Variants in VGLL2 observed in about 807,000 individuals in gnomAD.
VGLL2 encodes transcription cofactor vestigial-like protein 2.
In VGLL2, 18 loss-of-function variants were observed where a neutral mutation model predicts 27.0. The observed-to-expected ratio is 0.67, with a 90% CI of 0.46 to 0.99. VGLL2 has a LOEUF of 0.99. Ranked by LOEUF, VGLL2 falls within the 50% of genes least tolerant of loss-of-function variation. VGLL2 has a pLI of 0.00. For synonymous variants in VGLL2, 220 were observed against 201.1 expected, an observed-to-expected ratio of 1.09 and a Z score of -0.80; for missense variants, 491 against 452.3, an observed-to-expected ratio of 1.09 and a Z score of -0.78.
Position 117,266,585 on chromosome 6 carries a change from A to T in VGLL2, c.81+741A>T, listed in dbSNP as rs1322552072. 2.6e-5 allele frequency among the ~76,000 whole-genome samples: 4 copies of T among 152,158 alleles called. 1 individual carries two copies. The Middle Eastern group carries it at 9.5e-3, about 361-fold the overall frequency. ...TCAACCCGGGTTCTGCAAACTCTTC[A>T]AGTTCCATTTAATTCTGCCAGTTTC... On this transcript the variant is annotated intron_variant, in intron 1 of 3. Transcript: ENST00000326274.
rs149786271 is a variant in VGLL2 at position 117,268,250 on chromosome 6, C to T, written c.150C>T (p.Ser50=). The change falls in exon 2 of 4, where the codon AGC becomes AGT. Residue 50 remains serine, a synonymous_variant. Coordinates refer to ENST00000326274, the MANE Select transcript of VGLL2 (RefSeq NM_182645.3). ...ATGCCAGCCCCAGCAGCAGTGGCAG[C>T]GGCAGCTCCTCATTTTCCAGCCAAA... ...ECNASPSSSG[S]GSSSFSSQTP... The T allele has an allele frequency of 7.6e-5, 122 of 1,613,934 alleles. No individual in the cohort carries two copies. The African/African-American group carries it at 1.3e-3, about 17-fold the overall frequency.
rs1773163458 is a variant in VGLL2 at position 117,270,537 on chromosome 6, C to CTTG, written c.392-5_392-4insTGT. ...CCTCCACTCCGCCTCCCCGGCCGGC[C>CTTG]TACAGACTGCTCCTTCCCGATGAGC... On this transcript the variant is annotated splice_polypyrimidine_tract_variant and splice_region_variant and intron_variant, in intron 2 of 3. Transcript: ENST00000326274. The CTTG allele has an allele frequency of 6.3e-7, 1 of 1,591,492 alleles. No individual in the cohort carries two copies. Among genetic ancestry groups the CTTG allele is most frequent in the East Asian group, 2.3e-5 (1 of 42,850 alleles).
Position 117,268,179 on chromosome 6 carries a change from C to G in VGLL2, c.82-3C>G, listed in dbSNP as rs1773107600. 5.6e-6 allele frequency: 9 copies of G among 1,612,838 alleles called. No individual in the cohort carries two copies. Among genetic ancestry groups the G allele is most frequent in the African/African-American group, 4.0e-5 (3 of 74,724 alleles). On this transcript the variant is annotated splice_polypyrimidine_tract_variant and splice_region_variant and intron_variant, in intron 1 of 3. Transcript: ENST00000326274. ...TATCTCTGTTCTTTCTCTCTCTGAA[C>G]AGAAACTAGCCTATTATTCCAAAAT...
intron 2 of VGLL2, among the ~76,000 whole-genome samples, chr6:117,270,094 C>A (rs997504091): frequency 2.0e-5 from 3 of 152,010 alleles, no homozygotes; most frequent in African/African-American, 7.3e-5. Context: ...AGGCGGCCGA[C>A]CAAGAGTGGG....
At chr6:117,272,360 A>G in intron 3 of VGLL2, 94 bp from the exon 4 acceptor site, 1 of 1,609,752 alleles carries the variant, frequency 6.2e-7, no homozygotes, top group South Asian at 1.1e-5. Flanking sequence ...TAGACCGCCC[A>G]CCTTCTTCCC....
chr6:117,272,852 TTAGG>T lies in VGLL2; in HGVS notation c.*362_*365del, dbSNP rs1773229994. Reference sequence around the variant, plus strand: ...TTTTATGCTGATGTGAATTATTTTGTTAGGTAGTGTGATTATAGCACTACTACTG... The same window carrying T: ...TTTTATGCTGATGTGAATTATTTTGTTAGTGTGATTATAGCACTACTACTG... On this transcript the variant is annotated 3_prime_UTR_variant, in exon 4 of 4. Coordinates refer to ENST00000326274, the MANE Select transcript of VGLL2 (RefSeq NM_182645.3). 2 of 327,254 alleles carry T rather than the reference TTAGG, an allele frequency of 6.1e-6. No homozygotes were observed. Among genetic ancestry groups the T allele is most frequent in the Non-Finnish European group, 1.1e-5 (2 of 176,848 alleles). 20.3% of individuals were successfully genotyped at this position (327,254 alleles called of 1,614,324 possible).
chr6:117,268,378 G>C lies in VGLL2; in HGVS notation c.278G>C (p.Gly93Ala), dbSNP rs1202262117. Residue 93 changes from glycine to alanine, a missense_variant, in exon 2 of 4, where the codon GGG becomes GCG. Transcript: ENST00000326274. ...SRCVLFTYFQ[G>A]DISSVVDEHF... ...TGCGTCCTCTTCACTTATTTCCAGGGGGACATCAGCTCCGTGGTGGATGAA... is the reference window on the plus strand; with the variant it reads ...TGCGTCCTCTTCACTTATTTCCAGGCGGACATCAGCTCCGTGGTGGATGAA... The C allele has an allele frequency of 6.2e-7, 1 of 1,613,922 alleles. No individual in the cohort carries two copies. The highest frequency in any genetic ancestry group is 1.3e-5 in the African/African-American group (1 of 74,844).
chr6:117,266,426 G>A (rs1379740985), intron 1 of VGLL2, among the ~76,000 whole-genome samples: 1 of 152,144 alleles, frequency 6.6e-6, no homozygotes, highest in Admixed American at 6.5e-5. Flanking sequence ...TTTCCTTTGC[G>A]AAGTTCTGGG....
At chr6:117,268,058 A>C in intron 1 of VGLL2, 124 bp from the exon 2 acceptor site, 2 of 1,029,172 alleles carry the variant, frequency 1.9e-6, no homozygotes, top group South Asian at 1.6e-5. Context: ...TAACAGCACA[A>C]GGCTTAAGCC....
rs1310661988 is a variant in VGLL2, at chr6:117,270,862, G to A, written c.711G>A (p.Pro237=). 6.4e-6 allele frequency: 9 copies of A among 1,401,306 alleles called. No individual in the cohort carries two copies. The East Asian group carries it at 1.3e-4, about 20-fold the overall frequency. The allele number at this position is 1,401,306 out of a possible 1,614,324, so 86.8% of individuals were successfully genotyped here. A position where few individuals can be genotyped will look rare whatever the true frequency, so the allele number is the denominator to read the frequency against. Residue 237 remains proline, a synonymous_variant, in exon 3 of 4, where the codon CCG becomes CCA. Coordinates refer to ENST00000326274, the MANE Select transcript of VGLL2 (RefSeq NM_182645.3). ...VHEVYAPHFD[P]RYGPLLMPAA... ...AAGTCTACGCGCCGCACTTCGACCC[G>A]CGCTATGGGCCGCTGCTGATGCCAG...
At chr6:117,269,208 T>A (rs146219965) in intron 2 of VGLL2, among the ~76,000 whole-genome samples, 149 of 152,336 alleles carry the variant, frequency 9.8e-4, no homozygotes, top group African/African-American at 3.4e-3. Flanking sequence ...ACTGCTTTTT[T>A]CTACCCTAGG....
chr6:117,269,780 A>T (rs796694703), intron 2 of VGLL2, among the ~76,000 whole-genome samples: 6 of 152,254 alleles, frequency 3.9e-5, no homozygotes, highest in East Asian at 1.9e-4. Context: ...TAGTAATAAT[A>T]ATTATTATTA....
intron 2 of VGLL2, among the ~76,000 whole-genome samples, chr6:117,269,546 A>G (rs1773138878): frequency 6.6e-6 from 1 of 152,204 alleles, no homozygotes; most frequent in African/African-American, 2.4e-5. Context: ...CTGCCTAAAT[A>G]TGTTTAACAG....
rs1554217539 is a variant in VGLL2, at chr6:117,271,327, A to AATAATAATAATAATG, written c.913+277_913+278insGATAATAATAATAAT. On this transcript the variant is annotated intron_variant, in intron 3 of 3. Transcript: ENST00000326274. ...TAATAATAATAATAATAATAATGAT[A>AATAATAATAATAATG]ATAATAATAATAATAATAATAAAAT... Among the ~76,000 whole-genome samples, 1,123 of 139,540 alleles carry AATAATAATAATAATG rather than the reference A, an allele frequency of 8.0e-3. 13 individuals are homozygous for AATAATAATAATAATG. Among genetic ancestry groups the AATAATAATAATAATG allele is most frequent in the African/African-American group, 0.029 (1,073 of 36,422 alleles). The allele number at this position is 139,540 out of a possible 152,430, so 91.5% of individuals were successfully genotyped here. A position where few individuals can be genotyped will look rare whatever the true frequency, so the allele number is the denominator to read the frequency against.
Position 117,270,924 on chromosome 6 carries a change from C to A in VGLL2, c.773C>A (p.Pro258Gln), listed in dbSNP as rs1429443641. Residue 258 changes from proline to glutamine, a missense_variant, in exon 3 of 4, where the codon CCG (proline) becomes CAG (glutamine). Transcript: ENST00000326274. ...CGCCCGGCCCGCCTCGCAACCGCCC[C>A]GGCGCCCGCGCCCGGCAGTCCTCCC... ...SGRPARLATA[P>Q]APAPGSPPCE... 2.4e-6 allele frequency: 3 copies of A among 1,243,494 alleles called. No individual in the cohort carries two copies. In the African/African-American group the frequency reaches 4.7e-5, roughly 20 times the overall value. 77.0% of individuals were successfully genotyped at this position (1,243,494 alleles called of 1,614,324 possible).
Position 117,270,811 on chromosome 6 carries a change from C to G in VGLL2, c.660C>G (p.Pro220=). The G allele has an allele frequency of 7.0e-7, 1 of 1,435,678 alleles. No individual in the cohort carries two copies. The highest frequency in any genetic ancestry group is 1.4e-5 in the South Asian group (1 of 74,070). The allele number at this position is 1,435,678 out of a possible 1,614,324, so 88.9% of individuals were successfully genotyped here. The part of the protein sequence containing the change: ...LGGALGAQAA[P]YPRPAAVHEV... ...GCGCCCTCGGCGCCCAGGCCGCCCC[C>G]TACCCGCGCCCCGCCGCCGTGCACG... The change falls in exon 3 of 4, where the codon CCC becomes CCG. Residue 220 remains proline, a synonymous_variant. Coordinates refer to ENST00000326274, the MANE Select transcript of VGLL2 (RefSeq NM_182645.3).
Position 117,268,306 on chromosome 6 carries a change from G to T in VGLL2, c.206G>T (p.Ser69Ile), listed in dbSNP as rs1773111969. 3.1e-6 allele frequency: 5 copies of T among 1,614,164 alleles called. No individual in the cohort carries two copies. Among genetic ancestry groups the T allele is most frequent in the Non-Finnish European group, 4.2e-6 (5 of 1,180,040 alleles). ...GCCAGTATAAAAGAGGAAGAAGGCA[G>T]CCCAGAGAAAGAGCGCCCACCAGAG... is the stretch of plus-strand genomic sequence containing the variant. The part of the protein sequence containing the change: ...TPASIKEEEG[S>I]PEKERPPEAE... Residue 69 changes from serine to isoleucine, a missense_variant, in exon 2 of 4, where the codon AGC (serine) becomes ATC (isoleucine). Ser to Ile is a moderately radical substitution (Grantham distance 142). Coordinates refer to ENST00000326274, the MANE Select transcript of VGLL2 (RefSeq NM_182645.3).
chr6:117,267,049 A>G (rs982428165), intron 1 of VGLL2, among the ~76,000 whole-genome samples: 3 of 152,098 alleles, frequency 2.0e-5, no homozygotes, highest in East Asian at 1.9e-4. Context: ...TTTGTCCCCA[A>G]TTATTTCAAA....
In VGLL2 at chr6:117,270,847, G is replaced by T; in HGVS notation, c.696G>T (p.Ala232=). ...PRPAAVHEVY[A]PHFDPRYGPL... is the part of the protein sequence containing the mutation. ...CCGCCGCCGTGCACGAAGTCTACGC[G>T]CCGCACTTCGACCCGCGCTATGGGC... Residue 232 remains alanine (A), a synonymous_variant, in exon 3 of 4, where the codon GCG becomes GCT. Coordinates refer to ENST00000326274, the MANE Select transcript of VGLL2 (RefSeq NM_182645.3). 3 of 1,415,660 alleles carry T rather than the reference G, an allele frequency of 2.1e-6. No homozygotes were observed. Among genetic ancestry groups the T allele is most frequent in the Non-Finnish European group, 2.8e-6 (3 of 1,084,846 alleles). 87.7% of individuals were successfully genotyped at this position (1,415,660 alleles called of 1,614,324 possible).
Sources: allele counts gnomAD v4.1 joint callset (sites outside exome capture counted in the v4.1 genomes callset), GRCh38; gene constraint gnomAD v4.1.1; transcripts MANE v1.5; gene names NCBI Gene and HGNC (gene_info 2026-07-23, HGNC 2026-07-21).